SLC9A2: variants seen among roughly 807,000 people sequenced by gnomAD.
SLC9A2 encodes solute carrier family 9 member A2.
Under a neutral mutation model 71.7 loss-of-function variants are expected in SLC9A2, and 42 were observed. The observed-to-expected ratio is 0.59, with a 90% CI of 0.46 to 0.76. The LOEUF (loss-of-function observed/expected upper bound fraction) is 0.76, where lower values mean the gene tolerates loss of function less well. Ranked by LOEUF, SLC9A2 falls within the 30% of genes least tolerant of loss-of-function variation. The pLI is 0.00. For synonymous variants in SLC9A2, 396 were observed against 392.5 expected, an observed-to-expected ratio of 1.01 and a Z score of -0.10; for missense variants, 829 against 1,017.4, an observed-to-expected ratio of 0.81 and a Z score of 2.52.
chr2:102,663,098 T>C (rs1322375634), intron 2 of SLC9A2, among the ~76,000 whole-genome samples: 1 of 152,226 alleles, frequency 6.6e-6, no homozygotes, highest in Non-Finnish European at 1.5e-5. Context: ...CTGTGGCGTG[T>C]TGATGCCGAT....
chr2:102,695,263 T>A, intron 7 of SLC9A2, 150 bp downstream of exon 7: 1 of 605,150 alleles, frequency 1.7e-6, no homozygotes, highest in Non-Finnish European at 2.9e-6. Context: ...ATAACAGAGA[T>A]GTGGAATAAT....
At chr2:102,704,450 T>G in intron 9 of SLC9A2, 94 bp from the exon 10 acceptor site, 2 of 1,245,404 alleles carry the variant, frequency 1.6e-6, no homozygotes, top group Non-Finnish European at 2.3e-6. Context: ...GAGGTGCAGA[T>G]CCAAAGAAAT....
rs1462331764 is a variant in SLC9A2 at position 102,619,852 on chromosome 2, G to T, written c.4G>T (p.Glu2Ter). The T allele has an allele frequency of 4.6e-6, 7 of 1,517,488 alleles. No homozygotes were observed. The highest frequency in any genetic ancestry group is 1.4e-5 in the African/African-American group (1 of 72,546). The allele number at this position is 1,517,488 out of a possible 1,614,324, so 94.0% of individuals were successfully genotyped here. A position where few individuals can be genotyped will look rare whatever the true frequency, so the allele number is the denominator to read the frequency against. M[E>*]PLGNWRSLRA... is the part of the protein sequence containing the mutation. ...TTGGCGGCAACCGGCGGCACCCATGGAACCACTGGGCAACTGGAGGAGCCT... is the reference window on the plus strand; with the variant it reads ...TTGGCGGCAACCGGCGGCACCCATGTAACCACTGGGCAACTGGAGGAGCCT... Residue 2 changes from glutamate to a stop codon, truncating the protein, a stop_gained, in exon 1 of 12, where the codon GAA becomes TAA. Coordinates refer to ENST00000233969, the MANE Select transcript of SLC9A2 (RefSeq NM_003048.6). LOFTEE classifies it high-confidence loss of function. This position sits in a 1 kb window ranked among gnomAD's most constrained non-coding sequence, Gnocchi z 4.3.
chr2:102,669,531 T>G (rs1482668978), intron 3 of SLC9A2, among the ~76,000 whole-genome samples: 1 of 152,168 alleles, frequency 6.6e-6, no homozygotes, highest in Non-Finnish European at 1.5e-5. Context: ...CCATAGCCCC[T>G]TAAACCAGAA....
intron 5 of SLC9A2, among the ~76,000 whole-genome samples, chr2:102,689,967 G>A (rs137946997): frequency 2.6e-5 from 4 of 152,304 alleles, no homozygotes; most frequent in African/African-American, 9.6e-5. Context: ...ATATATATGA[G>A]TCTGGAATTT....
At chr2:102,688,559 C>G (rs1188204646) in intron 5 of SLC9A2, among the ~76,000 whole-genome samples, 1 of 152,120 alleles carries the variant, frequency 6.6e-6, no homozygotes, top group African/African-American at 2.4e-5. Flanking sequence ...GAAACCCTGT[C>G]TCTACTAAAA....
intron 1 of SLC9A2, among the ~76,000 whole-genome samples, chr2:102,634,426 T>A (rs541864551): frequency 7.5e-4 from 114 of 152,350 alleles, no homozygotes; most frequent in Middle Eastern, 6.8e-3. Context: ...GAGCTCATAG[T>A]AGCAGCTTCT....
At chr2:102,702,259 T>C (rs1444882389) in intron 8 of SLC9A2, 147 bp from the exon 9 acceptor site, 6 of 540,832 alleles carry the variant, frequency 1.1e-5, no homozygotes, top group Non-Finnish European at 2.0e-5. Context: ...GTCACAGAAT[T>C]TGGAATTATT....
At chr2:102,687,031 C>T (rs1325212371) in intron 5 of SLC9A2, among the ~76,000 whole-genome samples, 1 of 152,160 alleles carries the variant, frequency 6.6e-6, no homozygotes, top group African/African-American at 2.4e-5. Context: ...TTGTTTAGAG[C>T]CCGCAGGTGT....
chr2:102,659,822 G>C (rs567619505), intron 2 of SLC9A2, among the ~76,000 whole-genome samples: 1 of 152,170 alleles, frequency 6.6e-6, no homozygotes. Flanking sequence ...ACTTATGCTC[G>C]ATACGTAAAT....
chr2:102,631,797 T>A (rs1676361060), intron 1 of SLC9A2, among the ~76,000 whole-genome samples: 1 of 151,446 alleles, frequency 6.6e-6, no homozygotes, highest in Admixed American at 6.6e-5. Context: ...TCTGTTTTAT[T>A]TTGCGTATTT....
intron 2 of SLC9A2, 91 bp from the exon 3 acceptor site, chr2:102,665,009 T>C (rs1677106950): frequency 7.5e-7 from 1 of 1,331,832 alleles, no homozygotes; most frequent in East Asian, 2.3e-5. Context: ...GAAATGTCCT[T>C]ATTAGAAGTC....
At chr2:102,649,816 A>C (rs942023855) in intron 1 of SLC9A2, among the ~76,000 whole-genome samples, 1 of 152,206 alleles carries the variant, frequency 6.6e-6, no homozygotes, top group East Asian at 1.9e-4. Context: ...GTTAGGAAAC[A>C]ATAGATGCTG....
chr2:102,665,690 C>T (rs1167467632), intron 3 of SLC9A2, among the ~76,000 whole-genome samples: 2 of 134,866 alleles, frequency 1.5e-5, no homozygotes, highest in Non-Finnish European at 3.0e-5. Flanking sequence ...AGGAGGATGG[C>T]ATGAACCCGG....
At chr2:102,641,959 G>T (rs1311623530) in intron 1 of SLC9A2, among the ~76,000 whole-genome samples, 1 of 151,810 alleles carries the variant, frequency 6.6e-6, no homozygotes, top group African/African-American at 2.4e-5. Flanking sequence ...ACGATGAGTT[G>T]GTGGGTGCAG....
chr2:102,653,138 T>C (rs1676867454), intron 1 of SLC9A2, among the ~76,000 whole-genome samples: 1 of 152,212 alleles, frequency 6.6e-6, no homozygotes, highest in Non-Finnish European at 1.5e-5. Flanking sequence ...TTTCTCTGCT[T>C]ATGTTCACCA....
At chr2:102,643,574 C>A (rs1676653326) in intron 1 of SLC9A2, among the ~76,000 whole-genome samples, 1 of 152,122 alleles carries the variant, frequency 6.6e-6, no homozygotes, top group Non-Finnish European at 1.5e-5. Context: ...AAAAGAAGAC[C>A]CAGAGAACTG....
rs1315761539 is a variant in SLC9A2, at chr2:102,709,858, G to A, written c.*1369G>A. On this transcript the variant is annotated 3_prime_UTR_variant, in exon 12 of 12. Transcript: ENST00000233969. ...CTGGAACATGCCTCTGCATTTCTGA[G>A]TGTAGAAATTAAATGAAGCCACTCA... 6.6e-6 allele frequency: 1 copy of A among 151,982 alleles called. No individual in the cohort carries two copies. The allele number at this position is 151,982 out of a possible 1,614,324, so 9.4% of individuals were successfully genotyped here. A position where few individuals can be genotyped will look rare whatever the true frequency, so the allele number is the denominator to read the frequency against.
chr2:102,673,535 T>C (rs566089733), intron 3 of SLC9A2, among the ~76,000 whole-genome samples: 1 of 152,340 alleles, frequency 6.6e-6, no homozygotes, highest in South Asian at 2.1e-4. Flanking sequence ...AATTCGCTCC[T>C]GAATTAAGAA....
Sources: allele counts gnomAD v4.1 joint callset (sites outside exome capture counted in the v4.1 genomes callset), GRCh38; gene constraint gnomAD v4.1.1; non-coding constraint Gnocchi (gnomAD v3.1); transcripts MANE v1.5; gene names NCBI Gene and HGNC (gene_info 2026-07-23, HGNC 2026-07-21).